IFT56: variants seen among roughly 807,000 people sequenced by gnomAD.
IFT56 encodes intraflagellar transport 56.
the IFT56 span, among the ~76,000 whole-genome samples, chr7:139,162,610 G>A: frequency 2.0e-5 from 3 of 152,092 alleles, no homozygotes; most frequent in Admixed American, 2.0e-4. Flanking sequence ...ATAACTTTGG[G>A]TAAGTCACTT....
the IFT56 span, among the ~76,000 whole-genome samples, chr7:139,151,907 C>G: frequency 6.6e-6 from 1 of 152,010 alleles, no homozygotes; most frequent in Non-Finnish European, 1.5e-5. Context: ...ACTAAAAATA[C>G]AAAATTAGCT....
chr7:139,187,096 G>A, the IFT56 span, among the ~76,000 whole-genome samples: 7 of 96,432 alleles, frequency 7.3e-5, no homozygotes, highest in Admixed American at 2.8e-4. Flanking sequence ...GCGAGACTCC[G>A]TCTCAAAAAA....
At chr7:139,150,002 A>G in the IFT56 span, among the ~76,000 whole-genome samples, 3 of 152,214 alleles carry the variant, frequency 2.0e-5, no homozygotes, top group African/African-American at 7.2e-5. Flanking sequence ...TAAATAGATC[A>G]TTTAACATGG....
At chr7:139,173,714 G>C in the IFT56 span, 1 of 770,022 alleles carries the variant, frequency 1.3e-6, no homozygotes, top group Non-Finnish European at 2.4e-6. Context: ...CCTCTCATTG[G>C]CTGAAAAGGC....
the IFT56 span, chr7:139,160,885 C>T: frequency 2.5e-6 from 3 of 1,203,330 alleles, no homozygotes; most frequent in Non-Finnish European, 3.6e-6. Flanking sequence ...ACCATTGTGT[C>T]AATATGTGGT....
At chr7:139,137,955 G>T in the IFT56 span, 1 of 1,551,528 alleles carries the variant, frequency 6.4e-7, no homozygotes, top group East Asian at 2.2e-5. Context: ...TGTAAAAAAA[G>T]TTTTTTTCCT....
the IFT56 span, chr7:139,147,263 T>C: frequency 6.2e-7 from 1 of 1,612,650 alleles, no homozygotes; most frequent in Non-Finnish European, 8.5e-7. Context: ...GCTATAGATA[T>C]ATATAAGCGA....
the IFT56 span, among the ~76,000 whole-genome samples, chr7:139,155,095 C>T: frequency 1.3e-5 from 2 of 152,144 alleles, no homozygotes; most frequent in East Asian, 3.9e-4. Flanking sequence ...TGTAAATTAA[C>T]TTGTTCCCTT....
At chr7:139,171,852 C>G in the IFT56 span, among the ~76,000 whole-genome samples, 3 of 152,026 alleles carry the variant, frequency 2.0e-5, no homozygotes, top group Non-Finnish European at 2.9e-5. Context: ...TTTAGATCAC[C>G]AAAACTAACA....
the IFT56 span, among the ~76,000 whole-genome samples, chr7:139,155,728 G>A: frequency 6.6e-6 from 1 of 151,946 alleles, no homozygotes; most frequent in African/African-American, 2.4e-5. Flanking sequence ...AAAATATATT[G>A]GTCATTTTCT....
At chr7:139,173,673 T>C in the IFT56 span, 1 of 772,804 alleles carries the variant, frequency 1.3e-6, no homozygotes, top group South Asian at 1.3e-5. Flanking sequence ...ACGTTCATAT[T>C]GGCATGTGGC....
At chr7:139,181,111 A>C in the IFT56 span, 1 of 1,608,570 alleles carries the variant, frequency 6.2e-7, no homozygotes, top group African/African-American at 1.3e-5. Flanking sequence ...ATAAGAAACC[A>C]AGACTAGCCT....
At chr7:139,144,141 A>T in the IFT56 span, among the ~76,000 whole-genome samples, 14 of 151,928 alleles carry the variant, frequency 9.2e-5, no homozygotes, top group Non-Finnish European at 1.9e-4. Flanking sequence ...ATCTGAAATC[A>T]TTTTCCATTT....
the IFT56 span, chr7:139,174,110 C>T: frequency 8.4e-6 from 5 of 595,038 alleles, no homozygotes; most frequent in Non-Finnish European, 1.7e-5. Flanking sequence ...GCTTTTCTTG[C>T]CAATTGATGC....
the IFT56 span, among the ~76,000 whole-genome samples, chr7:139,139,293 A>G: frequency 6.6e-6 from 1 of 152,216 alleles, no homozygotes; most frequent in Non-Finnish European, 1.5e-5. Flanking sequence ...TAGTATTCGT[A>G]AAAGGCATAG....
the IFT56 span, among the ~76,000 whole-genome samples, chr7:139,175,677 C>G: frequency 6.6e-6 from 1 of 151,334 alleles, no homozygotes; most frequent in Admixed American, 6.6e-5. Context: ...TTTGTGGGAG[C>G]TAAAAAATAT....
chr7:139,174,045 A>T, the IFT56 span: 15 of 609,132 alleles, frequency 2.5e-5, no homozygotes, highest in South Asian at 2.1e-4. Flanking sequence ...AGAGTCAATC[A>T]ACACCAGGCA....
the IFT56 span, among the ~76,000 whole-genome samples, chr7:139,177,315 C>T: frequency 6.6e-6 from 1 of 151,000 alleles, no homozygotes; most frequent in Non-Finnish European, 1.5e-5. Context: ...TGCCTGATAT[C>T]AGATTCCTAT....
the IFT56 span, chr7:139,181,056 A>T: frequency 4.5e-6 from 6 of 1,319,436 alleles, no homozygotes; most frequent in Non-Finnish European, 6.5e-6. Context: ...AGTAAAAATG[A>T]CTCATTTGTT....
Sources: gnomAD v4.1 joint callset for allele counts (sites outside exome capture counted in the v4.1 genomes callset) on GRCh38, gnomAD v4.1.1 for gene constraint, MANE v1.5 for transcripts, NCBI Gene and HGNC (gene_info 2026-07-23, HGNC 2026-07-21) for gene names.